DNAH10: variants seen among roughly 807,000 people sequenced by gnomAD.
The protein encoded by DNAH10 is axonemal beta dynein heavy chain 10.
DNAH10 carries 348 observed loss-of-function variants against 506.6 expected under a neutral mutation model. The ratio of observed to expected loss-of-function variants is 0.69; its 90% CI spans 0.63 to 0.75. The LOEUF (loss-of-function observed/expected upper bound fraction) is 0.75. Ranked by LOEUF, DNAH10 falls within the 30% of genes least tolerant of loss-of-function variation. The probability of loss-of-function intolerance (pLI) is 0.00; values close to 1 mark genes in which losing one functional copy is unlikely to be tolerated. For synonymous variants in DNAH10, 2,059 were observed against 2,198.6 expected, an observed-to-expected ratio of 0.94 and a Z score of 1.78; for missense variants, 5,179 against 5,787.1, an observed-to-expected ratio of 0.89 and a Z score of 3.41.
chr12:123,921,796 C>G (rs1022334180), intron 65 of DNAH10, among the ~76,000 whole-genome samples: 1 of 139,142 alleles, frequency 7.2e-6, no homozygotes, highest in Non-Finnish European at 1.5e-5. Flanking sequence ...TCACTGCAAC[C>G]TTCGCCTCCT....
At chr12:123,825,123 G>A (rs1594120384) in intron 24 of DNAH10, among the ~76,000 whole-genome samples, 1 of 152,152 alleles carries the variant, frequency 6.6e-6, no homozygotes, top group Non-Finnish European at 1.5e-5. Flanking sequence ...GTTTCCAGGA[G>A]GTAGGACTGG....
chr12:123,894,492 A>T (rs868396451), intron 53 of DNAH10, 151 bp from the exon 54 acceptor site: 2 of 634,278 alleles, frequency 3.2e-6, no homozygotes, highest in Non-Finnish European at 5.5e-6. Context: ...TCCTGACCTC[A>T]AATGATCCAC....
Position 123,873,541 on chromosome 12 carries a change from A to T in DNAH10, c.7786-17A>T, listed in dbSNP as rs1348608719. ...GGGGAAAAAGCTGGCTTTTCACATC[A>T]TCTCTTTCTGCTTCAGATTGTGTTA... On this transcript the variant is annotated splice_polypyrimidine_tract_variant and intron_variant, in intron 45 of 78. Transcript: ENST00000673944. 1 of 1,591,560 alleles carries T rather than the reference A, an allele frequency of 6.3e-7. No individual in the cohort carries two copies. The highest frequency in any genetic ancestry group is 1.4e-5 in the African/African-American group (1 of 74,018).
intron 18 of DNAH10, among the ~76,000 whole-genome samples, chr12:123,806,444 C>G (rs1594073313): frequency 1.3e-5 from 2 of 152,200 alleles, no homozygotes; most frequent in East Asian, 1.9e-4. Flanking sequence ...ACTCCAGTAT[C>G]ATTTCCTGAA....
rs1958288225 is a variant in DNAH10, at chr12:123,796,701, C to T, written c.2032C>T (p.Pro678Ser). Residue 678 changes from proline (P) to serine (S), a missense_variant, in exon 13 of 79, where the codon CCA becomes TCA. Coordinates refer to ENST00000673944, the MANE Select transcript of DNAH10 (RefSeq NM_001372106.1). ...CTTTGTCCAGAACCTTGAAAATCCA[C>T]CACTGTATAAGAATCACCCTCCAGT... ...KIFVQNLENP[P>S]LYKNHPPVAG... The T allele has an allele frequency of 1.7e-5, 28 of 1,612,938 alleles. No homozygotes were observed. Among genetic ancestry groups the T allele is most frequent in the Non-Finnish European group, 2.4e-5 (28 of 1,179,722 alleles).
At position 123,914,476 on chromosome 12, in the gene DNAH10, C is replaced by T. The variant is rs761115866; in HGVS notation, c.10500C>T (p.Ile3500=). 6.2e-6 allele frequency: 10 copies of T among 1,613,788 alleles called. 1 individual carries two copies. In the South Asian group the frequency reaches 1.1e-4, roughly 18 times the overall value. ...TCAATCGGATTTGGCAAAATGACAT[C>T]CTGGAGCGGGAGATCCCCCTGAGCC... ...EMVNRIWQND[I]LEREIPLSQP... Residue 3500 remains isoleucine, a synonymous_variant, in exon 61 of 79, where the codon ATC becomes ATT. Coordinates refer to ENST00000673944, the MANE Select transcript of DNAH10 (RefSeq NM_001372106.1).
chr12:123,872,400 G>A (rs1952070753), intron 45 of DNAH10, among the ~76,000 whole-genome samples: 1 of 152,104 alleles, frequency 6.6e-6, no homozygotes, highest in African/African-American at 2.4e-5. Context: ...CAGGCACTAG[G>A]AAGCCGCATT....
chr12:123,874,935 A>G (rs1952192562), intron 46 of DNAH10, among the ~76,000 whole-genome samples: 1 of 152,234 alleles, frequency 6.6e-6, no homozygotes, highest in Non-Finnish European at 1.5e-5. Context: ...CCGTTCATTA[A>G]TTGAATTAAC....
rs1957799153 is a variant in DNAH10 at position 123,785,106 on chromosome 12, A to G, written c.1231-640A>G. On this transcript the variant is annotated intron_variant, in intron 8 of 78. Transcript: ENST00000673944. The surrounding 1 kb of genome is among the most constrained non-coding windows in gnomAD (Gnocchi z 4.1). Reference sequence around the variant, plus strand: ...TAATTATTCATGTATTATGCATAGGAGTGGAATAGCTGGGTCATATATGGT... The same window carrying G: ...TAATTATTCATGTATTATGCATAGGGGTGGAATAGCTGGGTCATATATGGT... Among the ~76,000 whole-genome samples, 1 of 152,202 alleles carries G rather than the reference A, an allele frequency of 6.6e-6. No individual in the cohort carries two copies. The highest frequency in any genetic ancestry group is 6.5e-5 in the Admixed American group (1 of 15,278).
chr12:123,827,184 T>G (rs940788597), intron 25 of DNAH10, among the ~76,000 whole-genome samples: 1 of 152,220 alleles, frequency 6.6e-6, no homozygotes, highest in Non-Finnish European at 1.5e-5. Context: ...GTAAGTGACC[T>G]TGATCAGCCC....
chr12:123,923,023 A>G (rs559790939), intron 65 of DNAH10: 10 of 152,330 alleles, frequency 6.6e-5, no homozygotes, highest in African/African-American at 1.2e-4. Flanking sequence ...AACACATATA[A>G]AGTAGAATTC....
rs181824819 is a variant in DNAH10, at chr12:123,908,246, T to C, written c.9816-1015T>C. ...TGTCTTCCTGTCTCCTCCCTGTCTC[T>C]CTGTCTCCTCCCTGTCTCCCTGTCT... is the stretch of plus-strand genomic sequence containing the variant. On this transcript the variant is annotated intron_variant, in intron 57 of 78. Transcript: ENST00000673944. The C allele has an allele frequency of 8.8e-3, 3,730 of 424,730 alleles. 301 individuals are homozygous for C. Among genetic ancestry groups the C allele is most frequent in the African/African-American group, 0.073 (3,160 of 43,312 alleles). The allele number at this position is 424,730 out of a possible 1,614,324, so 26.3% of individuals were successfully genotyped here.
rs1383690518 is a variant in DNAH10, at chr12:123,896,148, C to CACATAGAG, written c.9280+1426_9280+1427insCATAGAGA. ...ACACACACACACACACACACACACA[C>CACATAGAG]AGAGAGAGAGAGAGAGAGAGAGAGA... On this transcript the variant is annotated intron_variant, in intron 54 of 78. Coordinates refer to ENST00000673944, the MANE Select transcript of DNAH10 (RefSeq NM_001372106.1). Among the ~76,000 whole-genome samples the CACATAGAG allele has an allele frequency of 8.8e-3, 843 of 95,326 alleles. 11 individuals carry two copies. Among genetic ancestry groups the CACATAGAG allele is most frequent in the Middle Eastern group, 0.027 (5 of 184 alleles). The allele number at this position is 95,326 out of a possible 152,430, so 62.5% of individuals were successfully genotyped here.
intron 16 of DNAH10, among the ~76,000 whole-genome samples, chr12:123,803,011 C>T (rs1325665316): frequency 1.3e-5 from 2 of 152,126 alleles, no homozygotes; most frequent in South Asian, 2.1e-4. Context: ...GCTATTTTCT[C>T]CCACTCTGTC....
At chr12:123,883,017 T>C (rs748382614) in intron 51 of DNAH10, among the ~76,000 whole-genome samples, 3 of 152,166 alleles carry the variant, frequency 2.0e-5, no homozygotes, top group South Asian at 2.1e-4. Context: ...TTTAGCACAG[T>C]GCTTTCAAAG....
intron 4 of DNAH10, 68 bp downstream of exon 4, chr12:123,773,010 C>G: frequency 9.4e-7 from 1 of 1,064,054 alleles, no homozygotes; most frequent in Non-Finnish European, 1.4e-6. Context: ...CTTGTTCACT[C>G]TCATTCTGTT....
In DNAH10 at chr12:123,780,456, G is replaced by A. The variant is rs981663305; in HGVS notation, c.622-624G>A. ...GCTGGGATTACAGGCATGAGCCACC[G>A]CAGCCAGCTCCCTGTGCCACAGTTT... On this transcript the variant is annotated intron_variant, in intron 5 of 78. Coordinates refer to ENST00000673944, the MANE Select transcript of DNAH10 (RefSeq NM_001372106.1). Among the ~76,000 whole-genome samples, 10 of 150,582 alleles carry A rather than the reference G, an allele frequency of 6.6e-5. No homozygotes were observed. In the South Asian group the frequency reaches 1.3e-3, roughly 19 times the overall value.
rs375336357 is a variant in DNAH10, at chr12:123,845,781, C to T, written c.5542C>T (p.Leu1848=). The T allele has an allele frequency of 5.0e-6, 8 of 1,613,430 alleles. No homozygotes were observed. The highest frequency in any genetic ancestry group is 5.9e-6 in the Non-Finnish European group (7 of 1,179,484). The change falls in exon 31 of 79, where the codon CTA becomes TTA. Residue 1848 remains leucine, a synonymous_variant. Coordinates refer to ENST00000673944, the MANE Select transcript of DNAH10 (RefSeq NM_001372106.1). ...DELVTRITMP[L]SKNDRKKYNT... is the part of the protein sequence containing the mutation. Reference sequence around the variant, plus strand: ...GTTGGTAACGCGCATCACCATGCCGCTAAGCAAAAACGACAGGAAAAAATA... The same window carrying T: ...GTTGGTAACGCGCATCACCATGCCGTTAAGCAAAAACGACAGGAAAAAATA...
chr12:123,896,111 TCACACACA>T (rs112187635), intron 54 of DNAH10, among the ~76,000 whole-genome samples: 958 of 48,936 alleles, frequency 0.02, 16 homozygotes, highest in Non-Finnish European at 0.034. Flanking sequence ...AGACTTTATC[TCACACACA>T]CACACACACA....
Sources: gnomAD v4.1 joint callset for allele counts (sites outside exome capture counted in the v4.1 genomes callset) on GRCh38, gnomAD v4.1.1 for gene constraint, Gnocchi (gnomAD v3.1) non-coding constraint, MANE v1.5 for transcripts, NCBI Gene and HGNC (gene_info 2026-07-23, HGNC 2026-07-21) for gene names.